The following THAP4 variants were observed in gnomAD, a reference collection of about 807,000 sequenced individuals.
THAP4 encodes the protein peroxynitrite isomerase THAP4.
In THAP4, 18 loss-of-function variants were observed where a neutral mutation model predicts 48.1. The observed-to-expected ratio is 0.37, with a 90% CI of 0.26 to 0.56. The LOEUF (loss-of-function observed/expected upper bound fraction) is 0.56, where lower values mean the gene tolerates loss of function less well. Ranked by LOEUF, THAP4 falls within the 20% of genes least tolerant of loss-of-function variation. THAP4 has a pLI of 0.78. For synonymous variants in THAP4, 345 were observed against 324.9 expected (o/e 1.06, Z -0.66); for missense variants, 656 against 774.9 (o/e 0.85, Z 1.82).
At chr2:241,619,725 T>G (rs2125089830) in intron 2 of THAP4, among the ~76,000 whole-genome samples, 6 of 114,594 alleles carry the variant, frequency 5.2e-5, no homozygotes, top group East Asian at 2.7e-4. Context: ...GGTGAGTGAG[T>G]CGGTGAGGGG....
chr2:241,618,233 G>A (rs1575032930), intron 2 of THAP4, among the ~76,000 whole-genome samples: 1 of 152,348 alleles, frequency 6.6e-6, no homozygotes, highest in South Asian at 2.1e-4. Flanking sequence ...CCATGAAACG[G>A]AAGGAGTTGC....
In THAP4 at chr2:241,633,150, G is replaced by A. The variant is rs1254500894; in HGVS notation, c.1007C>T (p.Ser336Leu). Residue 336 changes from serine to leucine, a missense_variant, in exon 2 of 6, where the codon TCA becomes TTA. Physicochemically the swap from Ser to Leu is moderately radical, Grantham distance 145. This residue lies in a region of THAP4 where 391 missense variants were observed against 412.4 expected (regional missense o/e 0.95). Transcript: ENST00000407315. This position sits in a 1 kb window ranked among gnomAD's most constrained non-coding sequence, Gnocchi z 7.5. ...MSINEVILSA[S>L]GACKLIDSLH... ...TGAGTCGATGAGCTTGCAGGCCCCT[G>A]ACGCCGACAGGATGACCTCGTTGAT... 1 of 1,610,036 alleles carries A rather than the reference G, an allele frequency of 6.2e-7. No homozygotes were observed. Among genetic ancestry groups the A allele is most frequent in the African/African-American group, 1.3e-5 (1 of 74,794 alleles).
rs999868340 is a variant in THAP4 at position 241,633,685 on chromosome 2, C to A, written c.472G>T (p.Ala158Ser). 1.2e-6 allele frequency: 2 copies of A among 1,611,214 alleles called. No individual in the cohort carries two copies. The highest frequency in any genetic ancestry group is 3.3e-5 in the Admixed American group (2 of 59,926). Residue 158 changes from alanine (A) to serine (S), a missense_variant, in exon 2 of 6, where the codon GCC becomes TCC. By Grantham distance (99) the Ala-to-Ser change is moderately conservative. This residue lies in a region of THAP4 where 391 missense variants were observed against 412.4 expected (regional missense o/e 0.95). Coordinates refer to ENST00000407315, the MANE Select transcript of THAP4 (RefSeq NM_015963.6). The surrounding 1 kb of genome is among the most constrained non-coding windows in gnomAD (Gnocchi z 7.5). ...ALQGEATPRA[A>S]QEAASQEQAQ... ...TGCTCCTGGCTGGCGGCCTCCTGGG[C>A]CGCCCTGGGTGTGGCTTCACCTTGC...
At chr2:241,584,967 T>A (rs1170370234) in intron 5 of THAP4, 1 of 515,934 alleles carries the variant, frequency 1.9e-6, no homozygotes. Flanking sequence ...TCACCTTTTT[T>A]GTCGACGGCC....
chr2:241,636,166 T>C (rs544859257), intron 1 of THAP4, among the ~76,000 whole-genome samples: 2 of 152,116 alleles, frequency 1.3e-5, no homozygotes, highest in African/African-American at 4.8e-5. Flanking sequence ...ATTTAAGACT[T>C]ACAGCAAACT....
In THAP4 at chr2:241,601,380, C is replaced by T. The variant is rs1164178125; in HGVS notation, c.1614+516G>A. Among the ~76,000 whole-genome samples the T allele has an allele frequency of 2.6e-5, 4 of 152,164 alleles. No individual in the cohort carries two copies. Among genetic ancestry groups the T allele is most frequent in the African/African-American group, 7.2e-5 (3 of 41,432 alleles). On this transcript the variant is annotated intron_variant, in intron 5 of 5. Transcript: ENST00000407315. The surrounding 1 kb of genome is among the most constrained non-coding windows in gnomAD (Gnocchi z 4.0). Reference sequence around the variant, plus strand: ...TGAGCATGGGGAATGAGCCCTCCTGCTTCTAAGTTAGATTCAAAACATGAG... The same window carrying T: ...TGAGCATGGGGAATGAGCCCTCCTGTTTCTAAGTTAGATTCAAAACATGAG...
Position 241,610,590 on chromosome 2 carries a change from C to A in THAP4, c.1241-4117G>T, listed in dbSNP as rs776817713. 1.3e-5 allele frequency among the ~76,000 whole-genome samples: 2 copies of A among 152,126 alleles called. No homozygotes were observed. Among genetic ancestry groups the A allele is most frequent in the Non-Finnish European group, 2.9e-5 (2 of 67,994 alleles). Reference sequence around the variant, plus strand: ...CGGCCCGGAGGCCCCGCCCTCCCCACTCCTGCTTCCCCAGCCACGGGGTCT... The same window carrying A: ...CGGCCCGGAGGCCCCGCCCTCCCCAATCCTGCTTCCCCAGCCACGGGGTCT... On this transcript the variant is annotated intron_variant, in intron 2 of 5. Transcript: ENST00000407315. The surrounding 1 kb of genome is among the most constrained non-coding windows in gnomAD (Gnocchi z 4.2).
At chr2:241,626,989 T>A (rs1475485594) in intron 2 of THAP4, among the ~76,000 whole-genome samples, 1 of 152,244 alleles carries the variant, frequency 6.6e-6, no homozygotes, top group East Asian at 1.9e-4. Flanking sequence ...GACATTCCTG[T>A]TTTGTCTGCA....
chr2:241,634,086 G>T lies in THAP4; in HGVS notation c.78-7C>A, dbSNP rs1280046318. Reference sequence around the variant, plus strand: ...TGAGTCCTTTAGGGGGAACCTACAGGACAAATGACAAAAAGTAATTAGAAA... The same window carrying T: ...TGAGTCCTTTAGGGGGAACCTACAGTACAAATGACAAAAAGTAATTAGAAA... On this transcript the variant is annotated splice_polypyrimidine_tract_variant and splice_region_variant and intron_variant, in intron 1 of 5. Transcript: ENST00000407315. 1.3e-6 allele frequency: 2 copies of T among 1,520,260 alleles called. No individual in the cohort carries two copies. The highest frequency in any genetic ancestry group is 1.4e-5 in the African/African-American group (1 of 71,206). The allele number at this position is 1,520,260 out of a possible 1,614,324, so 94.2% of individuals were successfully genotyped here. A position where few individuals can be genotyped will look rare whatever the true frequency, so the allele number is the denominator to read the frequency against.
At chr2:241,596,227 C>A (rs960918445) in intron 5 of THAP4, among the ~76,000 whole-genome samples, 9 of 152,170 alleles carry the variant, frequency 5.9e-5, no homozygotes, top group African/African-American at 1.9e-4. Context: ...CAACTTGGGG[C>A]GGGGCATAGT....
At chr2:241,607,689 G>A (rs34717054) in intron 2 of THAP4, among the ~76,000 whole-genome samples, 21,189 of 144,992 alleles carry the variant, frequency 0.15, 1,722 homozygotes, top group Middle Eastern at 0.24. Context: ...CTCCAGGCCC[G>A]CGCAAGCAGA....
In THAP4 at chr2:241,632,836, G is replaced by A; in HGVS notation, c.1240+81C>T. The stretch of plus-strand genomic sequence containing the variant: ...GGAGCTTGTGACACCTCCCAGAAAT[G>A]CTCAGGGGACGCTGGCCACCTTGCA... On this transcript the variant is annotated intron_variant, in intron 2 of 5. Transcript: ENST00000407315. The A allele has an allele frequency of 7.1e-6, 8 of 1,128,702 alleles. No individual in the cohort carries two copies. The South Asian group carries it at 1.1e-4, about 16-fold the overall frequency. 69.9% of individuals were successfully genotyped at this position (1,128,702 alleles called of 1,614,324 possible).
chr2:241,627,910 C>T (rs1215697471), intron 2 of THAP4, among the ~76,000 whole-genome samples: 1 of 152,120 alleles, frequency 6.6e-6, no homozygotes, highest in Non-Finnish European at 1.5e-5. Flanking sequence ...CAGAGCCTGG[C>T]CCTTCACAGC....
intron 2 of THAP4, among the ~76,000 whole-genome samples, chr2:241,626,378 T>A (rs1381805589): frequency 6.6e-6 from 1 of 150,528 alleles, no homozygotes; most frequent in African/African-American, 2.5e-5. Flanking sequence ...GAGTCGGAGG[T>A]TGCAGTGAGC....
At chr2:241,614,390 C>T (rs936711173) in intron 2 of THAP4, among the ~76,000 whole-genome samples, 4 of 152,098 alleles carry the variant, frequency 2.6e-5, no homozygotes, top group African/African-American at 9.7e-5. Flanking sequence ...AAGACGTAAC[C>T]GTGAGGGATA....
chr2:241,585,941 GAAAA>G (rs888428681), intron 5 of THAP4, among the ~76,000 whole-genome samples: 1 of 121,590 alleles, frequency 8.2e-6, no homozygotes, highest in Admixed American at 8.6e-5. Flanking sequence ...AAAAAAAAAA[GAAAA>G]AGAAAAAGAA....
At chr2:241,596,868 G>A (rs575014935) in intron 5 of THAP4, among the ~76,000 whole-genome samples, 1 of 150,252 alleles carries the variant, frequency 6.7e-6, no homozygotes, top group African/African-American at 2.5e-5. Flanking sequence ...TGGAGCTGGC[G>A]GGACTGGCAG....
chr2:241,591,683 G>C (rs2066980693), intron 5 of THAP4, among the ~76,000 whole-genome samples: 1 of 152,158 alleles, frequency 6.6e-6, no homozygotes, highest in Non-Finnish European at 1.5e-5. Flanking sequence ...AGAACAAGGA[G>C]AGGGGACAGC....
intron 2 of THAP4, chr2:241,617,374 T>G (rs542659187): frequency 4.3e-6 from 6 of 1,405,708 alleles, no homozygotes; most frequent in Non-Finnish European, 4.9e-6. Flanking sequence ...AAATTTAAAT[T>G]TTCATGTTTT....
Sources: allele counts gnomAD v4.1 joint callset (sites outside exome capture counted in the v4.1 genomes callset), GRCh38; gene constraint gnomAD v4.1.1; regional missense constraint gnomAD v4.1.1; non-coding constraint Gnocchi (gnomAD v3.1); transcripts MANE v1.5; gene names NCBI Gene and HGNC (gene_info 2026-07-23, HGNC 2026-07-21).